The following LRRTM4 variants were observed in gnomAD, a reference collection of about 807,000 sequenced individuals.
LRRTM4 encodes leucine-rich repeat transmembrane neuronal protein 4.
In LRRTM4, 25 loss-of-function variants were observed where a neutral mutation model predicts 47.6. The observed-to-expected ratio is 0.53, with a 90% confidence interval of 0.38 to 0.73. The LOEUF (loss-of-function observed/expected upper bound fraction) is 0.73, where lower values mean the gene tolerates loss of function less well. Ranked by LOEUF, LRRTM4 falls within the 30% of genes least tolerant of loss-of-function variation. LRRTM4 has a pLI of 0.00. For missense variants in LRRTM4, 638 were observed against 713.4 expected, an observed-to-expected ratio of 0.89 and a Z score of 1.20; for synonymous variants, 311 against 269.5, an observed-to-expected ratio of 1.15 and a Z score of -1.51.
rs144817565 is a variant in LRRTM4 at position 77,151,117 on chromosome 2, A to ATGTG, written c.1551+367197_1551+367200dup. ...GTAATAGACTAGACTACGTCCGTGT[A>ATGTG]TGTGTGTGTGTGTGTGTGTGTGTGT... On this transcript the variant is annotated intron_variant, in intron 3 of 3. Transcript: ENST00000409884. 4.4e-3 allele frequency among the ~76,000 whole-genome samples: 651 copies of ATGTG among 147,724 alleles called. 4 individuals are homozygous for ATGTG. The highest frequency in any genetic ancestry group is 0.014 in the Middle Eastern group (4 of 282).
At chr2:77,089,066 C>T (rs1479199214) in intron 3 of LRRTM4, among the ~76,000 whole-genome samples, 1 of 152,092 alleles carries the variant, frequency 6.6e-6, no homozygotes, top group Non-Finnish European at 1.5e-5. Flanking sequence ...TCTGATTATA[C>T]GCCCACGTTT....
chr2:77,168,346 T>C (rs2103827092), intron 3 of LRRTM4, among the ~76,000 whole-genome samples: 1 of 152,260 alleles, frequency 6.6e-6, no homozygotes, highest in African/African-American at 2.4e-5. Context: ...TCCTGTGTGC[T>C]GTGTCTCTCC....
chr2:77,077,396 T>C (rs975770816), intron 3 of LRRTM4, among the ~76,000 whole-genome samples: 1 of 152,100 alleles, frequency 6.6e-6, no homozygotes, highest in Non-Finnish European at 1.5e-5. Flanking sequence ...TCCTAATAGA[T>C]AGTACAAGTC....
chr2:77,325,766 T>G (rs1470386702), intron 3 of LRRTM4, among the ~76,000 whole-genome samples: 1 of 152,192 alleles, frequency 6.6e-6, no homozygotes, highest in Admixed American at 6.6e-5. Flanking sequence ...GAAAGCTTTT[T>G]TCCCCACCTC....
chr2:76,835,211 A>G (rs1189240332), intron 3 of LRRTM4, among the ~76,000 whole-genome samples: 2 of 152,134 alleles, frequency 1.3e-5, no homozygotes, highest in Non-Finnish European at 2.9e-5. Flanking sequence ...ATTAAATTGT[A>G]CAGGTTAAGT....
chr2:77,037,221 C>A (rs966856842), intron 3 of LRRTM4, among the ~76,000 whole-genome samples: 2 of 151,798 alleles, frequency 1.3e-5, no homozygotes, highest in African/African-American at 2.4e-5. Context: ...ATGGGCTTCA[C>A]GGATCCTGGT....
chr2:77,026,278 A>G (rs1169096257), intron 3 of LRRTM4, among the ~76,000 whole-genome samples: 1 of 152,140 alleles, frequency 6.6e-6, no homozygotes, highest in Non-Finnish European at 1.5e-5. Context: ...AATCCTCATG[A>G]AAACCCCAGA....
At chr2:77,154,205 C>G (rs1672499686) in intron 3 of LRRTM4, among the ~76,000 whole-genome samples, 1 of 152,142 alleles carries the variant, frequency 6.6e-6, no homozygotes, top group Non-Finnish European at 1.5e-5. Context: ...TTTCTAGTTT[C>G]CATGTCTAAC....
At chr2:76,925,228 C>T (rs558562595) in intron 3 of LRRTM4, among the ~76,000 whole-genome samples, 1 of 152,148 alleles carries the variant, frequency 6.6e-6, no homozygotes, top group Non-Finnish European at 1.5e-5. Context: ...GTTAGAGATG[C>T]TTTCCTACTC....
At chr2:77,346,829 A>T (rs1429357530) in intron 3 of LRRTM4, among the ~76,000 whole-genome samples, 1 of 152,114 alleles carries the variant, frequency 6.6e-6, no homozygotes, top group Non-Finnish European at 1.5e-5. Context: ...ATTGATTTTA[A>T]AAAAAAGTTA....
intron 3 of LRRTM4, among the ~76,000 whole-genome samples, chr2:77,219,947 G>A (rs1674571424): frequency 6.6e-6 from 1 of 152,264 alleles, no homozygotes; most frequent in South Asian, 2.1e-4. Flanking sequence ...CTAACTGGGA[G>A]GCACCCCCCA....
intron 3 of LRRTM4, among the ~76,000 whole-genome samples, chr2:76,846,249 C>T: frequency 6.6e-6 from 1 of 152,030 alleles, no homozygotes; most frequent in East Asian, 1.9e-4. Context: ...ACATTTAAGG[C>T]TGGACTCACT....
chr2:76,936,954 CAAAAAAAAAAAAA>C (rs56140303), intron 3 of LRRTM4, among the ~76,000 whole-genome samples: 4 of 22,692 alleles, frequency 1.8e-4, no homozygotes, highest in Admixed American at 6.9e-4. Flanking sequence ...GACTCCATCT[CAAAAAAAAAAAAA>C]AAAAAAAAAA....
At chr2:77,453,504 G>A (rs771824256) in intron 3 of LRRTM4, among the ~76,000 whole-genome samples, 1 of 151,984 alleles carries the variant, frequency 6.6e-6, no homozygotes, top group Non-Finnish European at 1.5e-5. Flanking sequence ...TATTTTATTT[G>A]CAATGTTGAT....
intron 3 of LRRTM4, among the ~76,000 whole-genome samples, chr2:76,881,904 G>C (rs1672941665): frequency 6.6e-6 from 1 of 152,104 alleles, no homozygotes. Flanking sequence ...TTTACCAACT[G>C]TATTTTTGTG....
chr2:77,490,730 C>T (rs1360350043), intron 3 of LRRTM4, among the ~76,000 whole-genome samples: 1 of 152,144 alleles, frequency 6.6e-6, no homozygotes, highest in African/African-American at 2.4e-5. Context: ...CATCAACTGC[C>T]AGAGTTGCTG....
chr2:77,103,785 T>C (rs1364841332), intron 3 of LRRTM4, among the ~76,000 whole-genome samples: 2 of 151,820 alleles, frequency 1.3e-5, no homozygotes, highest in Non-Finnish European at 2.9e-5. Flanking sequence ...TTGCCCTGTT[T>C]ATAAATACAG....
intron 3 of LRRTM4, among the ~76,000 whole-genome samples, chr2:77,065,149 A>T (rs926898559): frequency 6.6e-6 from 1 of 152,182 alleles, no homozygotes; most frequent in African/African-American, 2.4e-5. Context: ...AATGCTCATC[A>T]AAATCCTTTC....
intron 3 of LRRTM4, among the ~76,000 whole-genome samples, chr2:77,103,987 G>A (rs1296746778): frequency 6.6e-6 from 1 of 151,978 alleles, no homozygotes; most frequent in Non-Finnish European, 1.5e-5. Flanking sequence ...TCATTCAACT[G>A]ACTATTTGGT....
Sources: gnomAD v4.1 joint callset for allele counts (sites outside exome capture counted in the v4.1 genomes callset) on GRCh38, gnomAD v4.1.1 for gene constraint, MANE v1.5 for transcripts, NCBI Gene and HGNC (gene_info 2026-07-23, HGNC 2026-07-21) for gene names.